Variants in SMYD3 observed in about 807,000 individuals in gnomAD.
SMYD3 encodes the protein histone-lysine N-methyltransferase SMYD3.
In SMYD3, 36 loss-of-function variants were observed where a neutral mutation model predicts 57.7. That is an observed-to-expected ratio of 0.62 (90% CI 0.48 to 0.82). SMYD3 has a LOEUF of 0.82. Among genes scored for constraint, SMYD3 ranks in the 40% least tolerant of loss-of-function variants. The pLI, the probability that SMYD3 is intolerant of heterozygous loss-of-function variation, is 0.00. For synonymous variants in SMYD3, 211 were observed against 195.0 expected, an observed-to-expected ratio of 1.08 and a Z score of -0.68; for missense variants, 515 against 538.8, an observed-to-expected ratio of 0.96 and a Z score of 0.44.
chr1:246,465,281 C>CA (rs1173579450), intron 1 of SMYD3, among the ~76,000 whole-genome samples: 1 of 152,144 alleles, frequency 6.6e-6, no homozygotes, highest in Non-Finnish European at 1.5e-5. Context: ...TGGTATTCTA[C>CA]AAAATAATTC....
intron 10 of SMYD3, among the ~76,000 whole-genome samples, chr1:245,796,681 C>T (rs369995652): frequency 8.5e-5 from 13 of 152,286 alleles, no homozygotes; most frequent in South Asian, 2.1e-4. Flanking sequence ...AAATTTGATA[C>T]GCACAAAACT....
intron 5 of SMYD3, among the ~76,000 whole-genome samples, chr1:246,316,375 T>C (rs2065157174): frequency 6.6e-6 from 1 of 150,944 alleles, no homozygotes; most frequent in Admixed American, 6.6e-5. Context: ...TTTTTTTTTT[T>C]TTTGAGAGAG....
chr1:245,831,292 T>C (rs187494935), intron 10 of SMYD3, among the ~76,000 whole-genome samples: 12 of 152,338 alleles, frequency 7.9e-5, no homozygotes, highest in African/African-American at 2.9e-4. Flanking sequence ...AATGATGGAA[T>C]GCTAGCCATG....
intron 5 of SMYD3, among the ~76,000 whole-genome samples, chr1:245,977,507 C>T (rs967019873): frequency 1.3e-5 from 2 of 152,066 alleles, no homozygotes; most frequent in Admixed American, 6.5e-5. Flanking sequence ...GGTGAAACCT[C>T]GTCTCTACTA....
intron 5 of SMYD3, among the ~76,000 whole-genome samples, chr1:246,009,345 A>G (rs2059236120): frequency 6.6e-6 from 1 of 152,198 alleles, no homozygotes. Flanking sequence ...AGAGGACACC[A>G]CCTACTCTTA....
intron 10 of SMYD3, among the ~76,000 whole-genome samples, chr1:245,787,252 C>T (rs2047082510): frequency 6.6e-6 from 1 of 152,162 alleles, no homozygotes; most frequent in African/African-American, 2.4e-5. Context: ...CTCATTTATG[C>T]TGCTGGGGAA....
chr1:246,364,236 A>C (rs1198069210), intron 1 of SMYD3, among the ~76,000 whole-genome samples: 1 of 152,120 alleles, frequency 6.6e-6, no homozygotes, highest in Non-Finnish European at 1.5e-5. Context: ...AAAAAAAAAA[A>C]AAACCTGAAT....
intron 5 of SMYD3, among the ~76,000 whole-genome samples, chr1:246,248,975 C>T (rs1263290091): frequency 6.6e-6 from 1 of 151,450 alleles, no homozygotes; most frequent in African/African-American, 2.4e-5. Flanking sequence ...CTTCTTTTAC[C>T]TAATTCACAG....
intron 1 of SMYD3, among the ~76,000 whole-genome samples, chr1:246,367,356 T>G (rs2148724959): frequency 6.6e-6 from 1 of 152,354 alleles, no homozygotes; most frequent in East Asian, 1.9e-4. Context: ...GTTTCTCTTG[T>G]GCAACCAATA....
At chr1:246,029,622 A>G (rs1372187304) in intron 5 of SMYD3, among the ~76,000 whole-genome samples, 1 of 151,168 alleles carries the variant, frequency 6.6e-6, no homozygotes, top group Non-Finnish European at 1.5e-5. Flanking sequence ...CAGTGAGCCA[A>G]GATCCTACCA....
intron 5 of SMYD3, among the ~76,000 whole-genome samples, chr1:245,964,796 T>TAAA (rs557500237): frequency 0.14 from 18,604 of 130,962 alleles, 1,478 homozygotes; most frequent in East Asian, 0.41. Context: ...ACAAAGATTG[T>TAAA]AAAAAAAAAA....
chr1:245,824,756 T>C (rs1484889071), intron 10 of SMYD3, among the ~76,000 whole-genome samples: 2 of 151,268 alleles, frequency 1.3e-5, no homozygotes, highest in African/African-American at 4.9e-5. Flanking sequence ...CTTGGGCGGC[T>C]GAGGCGGGAG....
chr1:246,010,734 T>A (rs766652766), intron 5 of SMYD3, among the ~76,000 whole-genome samples: 1 of 152,214 alleles, frequency 6.6e-6, no homozygotes, highest in East Asian at 1.9e-4. Flanking sequence ...GCTAAAATAA[T>A]TGTTCCATAT....
chr1:245,782,400 C>T (rs2046870261), intron 10 of SMYD3, among the ~76,000 whole-genome samples: 2 of 152,110 alleles, frequency 1.3e-5, no homozygotes, highest in South Asian at 4.1e-4. Context: ...GAAGAGTAAA[C>T]GTTCATGAAA....
At chr1:246,414,064 A>G (rs980432736) in intron 1 of SMYD3, among the ~76,000 whole-genome samples, 9 of 152,350 alleles carry the variant, frequency 5.9e-5, no homozygotes, top group South Asian at 4.1e-4. Flanking sequence ...GGTGGTATAT[A>G]ACAGCACAAC....
chr1:246,105,998 A>C (rs1420966284), intron 5 of SMYD3, among the ~76,000 whole-genome samples: 1 of 152,222 alleles, frequency 6.6e-6, no homozygotes, highest in Non-Finnish European at 1.5e-5. Context: ...TTATGCAGTG[A>C]GATAAAGCAC....
At chr1:245,952,173 A>C (rs2057678032) in intron 5 of SMYD3, among the ~76,000 whole-genome samples, 1 of 152,200 alleles carries the variant, frequency 6.6e-6, no homozygotes, top group Non-Finnish European at 1.5e-5. Flanking sequence ...ACCATGATAA[A>C]GCTGGGTGGG....
chr1:246,380,818 G>A (rs2066376018), intron 1 of SMYD3, among the ~76,000 whole-genome samples: 1 of 152,216 alleles, frequency 6.6e-6, no homozygotes, highest in Non-Finnish European at 1.5e-5. Flanking sequence ...TGAAGTAATA[G>A]TTACTGTGCT....
intron 5 of SMYD3, among the ~76,000 whole-genome samples, chr1:246,087,814 G>C (rs748272650): frequency 2.6e-5 from 4 of 152,138 alleles, no homozygotes; most frequent in Non-Finnish European, 5.9e-5. Context: ...TCTACATGAA[G>C]ACTTACGCGG....
Sources: gnomAD v4.1 joint callset for allele counts (sites outside exome capture counted in the v4.1 genomes callset) on GRCh38, gnomAD v4.1.1 for gene constraint, MANE v1.5 for transcripts, NCBI Gene and HGNC (gene_info 2026-07-23, HGNC 2026-07-21) for gene names.